The following PDE3A variants were observed in gnomAD, a reference collection of about 807,000 sequenced individuals.
PDE3A encodes cGMP-inhibited 3',5'-cyclic phosphodiesterase 3A.
A neutral mutation model predicts 98.3 loss-of-function variants in PDE3A; 43 were observed. The ratio of observed to expected loss-of-function variants is 0.44; its 90% CI spans 0.34 to 0.56. The LOEUF is 0.56. Ranked by LOEUF, PDE3A falls within the 20% of genes least tolerant of loss-of-function variation. The probability of loss-of-function intolerance (pLI) is 0.01; values close to 1 mark genes in which losing one functional copy is unlikely to be tolerated. For missense variants in PDE3A, 1,427 were observed against 1,440.7 expected, an observed-to-expected ratio of 0.99 and a Z score of 0.15; for synonymous variants, 663 against 567.9, an observed-to-expected ratio of 1.17 and a Z score of -2.38.
intron 12 of PDE3A, among the ~76,000 whole-genome samples, 162 bp downstream of exon 12, chr12:20,647,112 G>A (rs190410755): frequency 6.6e-6 from 1 of 152,228 alleles, no homozygotes; most frequent in African/African-American, 2.4e-5. Flanking sequence ...AGAAGCCATG[G>A]ATTCTTCCAA....
chr12:20,668,048 G>T (rs539585040), intron 15 of PDE3A, among the ~76,000 whole-genome samples: 1 of 152,312 alleles, frequency 6.6e-6, no homozygotes. Context: ...AACGCAAGGG[G>T]TCAGGGAGTT....
At chr12:20,610,768 G>A (rs192597807) in intron 2 of PDE3A, among the ~76,000 whole-genome samples, 5 of 152,002 alleles carry the variant, frequency 3.3e-5, no homozygotes, top group African/African-American at 1.2e-4. Flanking sequence ...ATTATGCTGA[G>A]TAAAATAAGC....
At chr12:20,375,124 A>G (rs1165203968) in intron 1 of PDE3A, among the ~76,000 whole-genome samples, 1 of 151,920 alleles carries the variant, frequency 6.6e-6, no homozygotes, top group Non-Finnish European at 1.5e-5. Flanking sequence ...ATTGAGATTA[A>G]AAAATATTAT....
intron 1 of PDE3A, among the ~76,000 whole-genome samples, chr12:20,432,978 G>A (rs1944722144): frequency 6.6e-6 from 1 of 152,048 alleles, no homozygotes; most frequent in South Asian, 2.1e-4. Flanking sequence ...CTCCATCAAG[G>A]AGTTCTGGCT....
intron 1 of PDE3A, among the ~76,000 whole-genome samples, chr12:20,460,821 C>A (rs1322398333): frequency 6.6e-6 from 1 of 152,164 alleles, no homozygotes; most frequent in East Asian, 1.9e-4. Context: ...CATGCCCCTG[C>A]TCCCCCCTTT....
At chr12:20,545,153 A>G (rs961260954) in intron 1 of PDE3A, among the ~76,000 whole-genome samples, 3 of 152,072 alleles carry the variant, frequency 2.0e-5, no homozygotes, top group Non-Finnish European at 4.4e-5. Context: ...ATCAGGATAA[A>G]CCAGATGTAT....
intron 1 of PDE3A, among the ~76,000 whole-genome samples, chr12:20,509,525 G>GT (rs761932766): frequency 4.0e-5 from 6 of 151,854 alleles, no homozygotes; most frequent in South Asian, 2.1e-4. Flanking sequence ...AATTTTTAAA[G>GT]TTTTTTTTCA....
At chr12:20,389,335 G>T (rs771112395) in intron 1 of PDE3A, among the ~76,000 whole-genome samples, 1 of 151,760 alleles carries the variant, frequency 6.6e-6, no homozygotes, top group Non-Finnish European at 1.5e-5. Flanking sequence ...AAAACTAGAG[G>T]TTATCCACTG....
At chr12:20,483,217 C>T (rs750308552) in intron 1 of PDE3A, among the ~76,000 whole-genome samples, 79 of 152,032 alleles carry the variant, frequency 5.2e-4, no homozygotes, top group Admixed American at 7.2e-4. Flanking sequence ...GTTGAAGCCC[C>T]GTCTCTACTA....
intron 8 of PDE3A, among the ~76,000 whole-genome samples, chr12:20,635,883 G>T (rs1944501421): frequency 6.6e-6 from 1 of 151,472 alleles, no homozygotes; most frequent in South Asian, 2.1e-4. Context: ...AAGCATTATT[G>T]GTCTCTTAAT....
chr12:20,392,593 G>T (rs1289393456), intron 1 of PDE3A, among the ~76,000 whole-genome samples: 1 of 151,624 alleles, frequency 6.6e-6, no homozygotes. Context: ...CAGTATGGAG[G>T]TTCCTCAAAA....
chr12:20,445,965 G>C (rs1018607016), intron 1 of PDE3A, among the ~76,000 whole-genome samples: 1 of 152,138 alleles, frequency 6.6e-6, no homozygotes, highest in African/African-American at 2.4e-5. Flanking sequence ...CCTCAGAGCC[G>C]TGCCTTTGAT....
chr12:20,467,439 G>A (rs192149189), intron 1 of PDE3A, among the ~76,000 whole-genome samples: 39 of 151,904 alleles, frequency 2.6e-4, no homozygotes, highest in Non-Finnish European at 5.0e-4. Context: ...TGTTGTCACA[G>A]GAAATGACTT....
intron 1 of PDE3A, among the ~76,000 whole-genome samples, chr12:20,520,023 A>G (rs1245493395): frequency 6.6e-6 from 1 of 152,176 alleles, no homozygotes; most frequent in Non-Finnish European, 1.5e-5. Context: ...GCCTAAGGTG[A>G]CATCGCTATT....
intron 2 of PDE3A, among the ~76,000 whole-genome samples, chr12:20,603,219 T>TCCA (rs1943634462): frequency 6.6e-6 from 1 of 152,174 alleles, no homozygotes; most frequent in Non-Finnish European, 1.5e-5. Context: ...TCGTCTCTTA[T>TCCA]CCCAACTCCC....
chr12:20,499,259 A>G (rs538834690), intron 1 of PDE3A, among the ~76,000 whole-genome samples: 10 of 152,280 alleles, frequency 6.6e-5, no homozygotes, highest in African/African-American at 2.4e-4. Context: ...CTAAGGTGCA[A>G]TAGTGTCTCA....
At chr12:20,486,656 CAG>C (rs1194747748) in intron 1 of PDE3A, among the ~76,000 whole-genome samples, 1 of 152,168 alleles carries the variant, frequency 6.6e-6, no homozygotes, top group East Asian at 1.9e-4. Context: ...TTTTTTGAGA[CAG>C]AGTCTTGCTC....
chr12:20,611,183 TA>T (rs1425281702), intron 2 of PDE3A, among the ~76,000 whole-genome samples: 6 of 151,200 alleles, frequency 4.0e-5, no homozygotes, highest in African/African-American at 1.5e-4. Context: ...ATTTTTAAAA[TA>T]AGTAAATAAA....
chr12:20,631,245 A>ATC (rs1944370605), intron 6 of PDE3A, among the ~76,000 whole-genome samples: 1 of 152,144 alleles, frequency 6.6e-6, no homozygotes, highest in African/African-American at 2.4e-5. Flanking sequence ...CAGGATATTA[A>ATC]TCTCATCTCT....
Sources: allele counts gnomAD v4.1 joint callset (sites outside exome capture counted in the v4.1 genomes callset), GRCh38; gene constraint gnomAD v4.1.1; transcripts MANE v1.5; gene names NCBI Gene and HGNC (gene_info 2026-07-23, HGNC 2026-07-21).